Variants in CDH23 observed in about 807,000 individuals in gnomAD.
The protein encoded by CDH23 is cadherin related 23, also known as cadherin-23.
In CDH23, 189 loss-of-function variants were observed where a neutral mutation model predicts 317.1. The observed-to-expected ratio is 0.60, with a 90% CI of 0.53 to 0.67. The LOEUF is 0.67. CDH23 is among the 30% of genes least tolerant of loss of function. The pLI is 0.00. For synonymous variants in CDH23, 1,839 were observed against 1,876.8 expected (o/e 0.98, Z 0.52); for missense variants, 4,401 against 4,592.4 (o/e 0.96, Z 1.20).
chr10:71,588,268 G>A (rs1043902272), intron 9 of CDH23, among the ~76,000 whole-genome samples: 8 of 152,096 alleles, frequency 5.3e-5, no homozygotes, highest in African/African-American at 1.4e-4. Flanking sequence ...TGCCTGCCAC[G>A]GGCAAGGCAC....
intron 6 of CDH23, among the ~76,000 whole-genome samples, chr10:71,548,772 T>G (rs1182452950): frequency 6.6e-6 from 1 of 152,212 alleles, no homozygotes; most frequent in Non-Finnish European, 1.5e-5. Context: ...CCTCCTTTAT[T>G]AGACTGCAAA....
intron 9 of CDH23, among the ~76,000 whole-genome samples, chr10:71,593,438 C>T (rs1196999579): frequency 1.3e-5 from 2 of 152,146 alleles, no homozygotes; most frequent in Non-Finnish European, 2.9e-5. Flanking sequence ...TCTCGGCACC[C>T]CCGGAGCACA....
chr10:71,575,086 G>A (rs943815076), intron 8 of CDH23, among the ~76,000 whole-genome samples: 12 of 152,182 alleles, frequency 7.9e-5, no homozygotes, highest in African/African-American at 2.4e-4. Flanking sequence ...GTGGAACATC[G>A]TAGACACTCC....
chr10:71,809,183 T>TC (rs1233584541), intron 60 of CDH23, among the ~76,000 whole-genome samples: 9 of 131,022 alleles, frequency 6.9e-5, no homozygotes, highest in African/African-American at 2.5e-4. Context: ...TTTTTTTTTT[T>TC]TTTTTTTTGG....
intron 38 of CDH23, chr10:71,755,431 T>C (rs767668485): frequency 6.2e-7 from 1 of 1,613,270 alleles, no homozygotes; most frequent in Admixed American, 1.7e-5. Context: ...ATTCCTACGA[T>C]GCAGGCACCC....
chr10:71,423,783 G>A (rs574832542), intron 1 of CDH23, among the ~76,000 whole-genome samples: 1 of 152,258 alleles, frequency 6.6e-6, no homozygotes, highest in East Asian at 1.9e-4. Flanking sequence ...TGCCTCCAAG[G>A]CCAGTGAAGG....
intron 27 of CDH23, among the ~76,000 whole-genome samples, chr10:71,710,440 T>A (rs995399053): frequency 4.6e-5 from 7 of 152,142 alleles, no homozygotes; most frequent in Non-Finnish European, 7.4e-5. Context: ...CAGGGCAGCC[T>A]CACCCCCCAC....
chr10:71,770,225 G>A lies in CDH23; in HGVS notation c.4846-7455G>A, dbSNP rs182458044. ...TACCATAATATTACACAGTATTCAC[G>A]AGGAGCCGGGTGCTGTGTTAAGTGT... On this transcript the variant is annotated intron_variant, in intron 38 of 69. Coordinates refer to ENST00000224721, the MANE Select transcript of CDH23 (RefSeq NM_022124.6). 2.8e-4 allele frequency among the ~76,000 whole-genome samples: 42 copies of A among 152,352 alleles called. No homozygotes were observed. In the East Asian group the frequency reaches 6.4e-3, roughly 23 times the overall value.
At chr10:71,431,680 G>C (rs1180178919) in intron 1 of CDH23, among the ~76,000 whole-genome samples, 1 of 152,240 alleles carries the variant, frequency 6.6e-6, no homozygotes, top group Non-Finnish European at 1.5e-5. Flanking sequence ...ACCATGCTGT[G>C]AAAATCTCTC....
In CDH23 at chr10:71,707,009, C is replaced by T. The variant is rs756785468; in HGVS notation, c.3066C>T (p.Asn1022=). ...FRVVWLNCTD[N]DVGLNAELSY... is the part of the protein sequence containing the mutation. ...TGGTCTGGCTGAACTGCACGGACAA[C>T]GACGTGGGCCTCAATGCAGAGCTCA... is the stretch of plus-strand genomic sequence containing the variant. Residue 1022 remains asparagine, a synonymous_variant, in exon 26 of 70, where the codon AAC becomes AAT. Transcript: ENST00000224721. 11 of 1,607,454 alleles carry T rather than the reference C, an allele frequency of 6.8e-6. No homozygotes were observed. Among genetic ancestry groups the T allele is most frequent in the Admixed American group, 5.1e-5 (3 of 59,140 alleles).
At chr10:71,413,678 G>A (rs1298298721) in intron 1 of CDH23, among the ~76,000 whole-genome samples, 1 of 151,964 alleles carries the variant, frequency 6.6e-6, no homozygotes, top group Non-Finnish European at 1.5e-5. Context: ...ATTTATTTAT[G>A]TCTTCTTTAC....
At chr10:71,574,825 C>T (rs1301508580) in intron 8 of CDH23, among the ~76,000 whole-genome samples, 1 of 152,180 alleles carries the variant, frequency 6.6e-6, no homozygotes, top group Non-Finnish European at 1.5e-5. Flanking sequence ...CACCTCACCC[C>T]CTCCTCATCT....
At chr10:71,452,858 G>A (rs1850516688) in intron 3 of CDH23, among the ~76,000 whole-genome samples, 1 of 152,214 alleles carries the variant, frequency 6.6e-6, no homozygotes, top group South Asian at 2.1e-4. Context: ...GTGAGACCTT[G>A]CAGTGATTGT....
intron 1 of CDH23, among the ~76,000 whole-genome samples, chr10:71,409,360 A>C (rs1005537344): frequency 6.6e-6 from 1 of 152,212 alleles, no homozygotes; most frequent in African/African-American, 2.4e-5. Context: ...TTCCAAGGGC[A>C]ATGAGCTTAA....
chr10:71,592,480 A>T (rs1352056830), intron 9 of CDH23, among the ~76,000 whole-genome samples: 1 of 152,140 alleles, frequency 6.6e-6, no homozygotes, highest in Admixed American at 6.5e-5. Context: ...ACTCCAGGAG[A>T]TAATCCCATC....
rs923040538 is a variant in CDH23, at chr10:71,707,637, C to T, written c.3106+588C>T. The T allele has an allele frequency of 3.6e-5, 24 of 672,906 alleles. No homozygotes were observed. In the Admixed American group the frequency reaches 6.3e-4, roughly 18 times the overall value. The allele number at this position is 672,906 out of a possible 1,614,324, so 41.7% of individuals were successfully genotyped here. On this transcript the variant is annotated intron_variant, in intron 26 of 69. Coordinates refer to ENST00000224721, the MANE Select transcript of CDH23 (RefSeq NM_022124.6). ...CAGTGGTAGGATTGGTAGATGGTGG[C>T]GCACATGCCATGGGTTTGCCATTCC...
intron 3 of CDH23, among the ~76,000 whole-genome samples, chr10:71,475,665 G>T (rs533473664): frequency 6.6e-6 from 1 of 152,298 alleles, no homozygotes; most frequent in South Asian, 2.1e-4. Flanking sequence ...GTCCCCTGCT[G>T]GCTTTGCCTG....
chr10:71,709,141 C>T lies in CDH23; in HGVS notation c.3150C>T (p.Ala1050=), dbSNP rs764006222. The T allele has an allele frequency of 6.8e-6, 11 of 1,613,814 alleles. No homozygotes were observed. The highest frequency in any genetic ancestry group is 6.7e-5 in the East Asian group (3 of 44,896). ...DGKFSVGYRD[A]VVRTVVGLDR... is the part of the protein sequence containing the mutation. ...AGTTCAGCGTGGGTTACCGCGATGC[C>T]GTTGTGAGAACCGTGGTGGGCCTGG... Residue 1050 remains alanine, a synonymous_variant, in exon 27 of 70, where the codon GCC becomes GCT. Coordinates refer to ENST00000224721, the MANE Select transcript of CDH23 (RefSeq NM_022124.6).
At chr10:71,608,025 C>T (rs1860632745) in intron 9 of CDH23, among the ~76,000 whole-genome samples, 2 of 152,226 alleles carry the variant, frequency 1.3e-5, no homozygotes, top group African/African-American at 4.8e-5. Context: ...TCCTGATGCT[C>T]ACACAGCCTG....
Sources: allele counts gnomAD v4.1 joint callset (sites outside exome capture counted in the v4.1 genomes callset), GRCh38; gene constraint gnomAD v4.1.1; transcripts MANE v1.5; gene names NCBI Gene and HGNC (gene_info 2026-07-23, HGNC 2026-07-21).